Variants in CFAP44 observed in about 807,000 individuals in gnomAD.
CFAP44 encodes cilia and flagella associated protein 44.
CFAP44 carries 134 observed loss-of-function variants against 216.2 expected under a neutral mutation model. The ratio of observed to expected loss-of-function variants is 0.62; its 90% confidence interval spans 0.54 to 0.72. CFAP44 has a LOEUF of 0.72. Among genes scored for constraint, CFAP44 ranks in the 30% least tolerant of loss-of-function variants. The pLI is 0.00. For missense variants in CFAP44, 2,035 were observed against 2,182.1 expected (o/e 0.93, Z 1.34); for synonymous variants, 700 against 727.6 (o/e 0.96, Z 0.61).
intron 7 of CFAP44, among the ~76,000 whole-genome samples, chr3:113,408,115 C>T (rs1232260940): frequency 1.3e-5 from 2 of 152,010 alleles, no homozygotes; most frequent in African/African-American, 4.8e-5. Context: ...AACAAAAAGA[C>T]CAGATTTAAA....
chr3:113,403,817 G>T, intron 9 of CFAP44, 35 bp downstream of exon 9: 1 of 1,594,798 alleles, frequency 6.3e-7, no homozygotes, highest in Non-Finnish European at 8.6e-7. Context: ...AGTCTTAAAC[G>T]TGGGTGCTAC....
At chr3:113,377,522 A>C (rs922514282) in intron 17 of CFAP44, among the ~76,000 whole-genome samples, 2 of 152,234 alleles carry the variant, frequency 1.3e-5, no homozygotes, top group African/African-American at 4.8e-5. Context: ...AAATGCAAAA[A>C]AAACCAGCAC....
chr3:113,307,362 A>G (rs1949996313), intron 29 of CFAP44, among the ~76,000 whole-genome samples: 1 of 152,200 alleles, frequency 6.6e-6, no homozygotes, highest in African/African-American at 2.4e-5. Flanking sequence ...GTCACTCATA[A>G]ATGGCTGCCT....
intron 15 of CFAP44, among the ~76,000 whole-genome samples, chr3:113,392,976 C>T (rs1423400740): frequency 6.6e-6 from 1 of 152,186 alleles, no homozygotes; most frequent in Non-Finnish European, 1.5e-5. Context: ...TGACCTGGCT[C>T]CCTTGTATCT....
At chr3:113,353,092 G>A (rs900637743) in intron 22 of CFAP44, among the ~76,000 whole-genome samples, 17 of 152,182 alleles carry the variant, frequency 1.1e-4, no homozygotes, top group South Asian at 2.1e-4. Flanking sequence ...GGATGGGCAA[G>A]TGGGTCCCAG....
intron 15 of CFAP44, among the ~76,000 whole-genome samples, chr3:113,394,090 G>C (rs1401015544): frequency 6.6e-6 from 1 of 152,180 alleles, no homozygotes; most frequent in African/African-American, 2.4e-5. Flanking sequence ...ATAGTACAGA[G>C]AGGTATCACA....
At chr3:113,410,152 C>CTT (rs139658810) in intron 6 of CFAP44, among the ~76,000 whole-genome samples, 27 of 149,774 alleles carry the variant, frequency 1.8e-4, no homozygotes, top group South Asian at 2.1e-4. Flanking sequence ...AACTTGTTTT[C>CTT]TTTTTTTTTT....
intron 32 of CFAP44, among the ~76,000 whole-genome samples, chr3:113,300,375 G>C (rs1949923076): frequency 6.6e-6 from 1 of 151,854 alleles, no homozygotes; most frequent in Admixed American, 6.6e-5. Flanking sequence ...CGGATTGTTT[G>C]TAACATAAAA....
chr3:113,416,600 C>T lies in CFAP44; in HGVS notation c.598G>A (p.Val200Ile), dbSNP rs375438342. The T allele has an allele frequency of 9.9e-6, 16 of 1,611,462 alleles. 1 individual carries two copies. Among genetic ancestry groups the T allele is most frequent in the African/African-American group, 9.4e-5 (7 of 74,792 alleles). ...GVHPHKTYFT[V>I]AEKGSFPDII... ...TCTGGAAAACTCCCTTTTTCAGCTA[C>T]TGTGAAATAAGTTTTATGTGGATGA... Residue 200 changes from valine to isoleucine, a missense_variant, in exon 6 of 35, where the codon GTA becomes ATA. Physicochemically the swap from Val to Ile is conservative, Grantham distance 29. Transcript: ENST00000393845.
At chr3:113,403,594 T>C (rs1934197994) in intron 9 of CFAP44, among the ~76,000 whole-genome samples, 1 of 152,242 alleles carries the variant, frequency 6.6e-6, no homozygotes, top group Non-Finnish European at 1.5e-5. Context: ...AGTTTTCATC[T>C]TCTGAAGCTA....
intron 15 of CFAP44, among the ~76,000 whole-genome samples, chr3:113,394,791 T>C (rs1933945141): frequency 6.6e-6 from 1 of 152,236 alleles, no homozygotes; most frequent in Non-Finnish European, 1.5e-5. Context: ...TTGCGCCTCA[T>C]TCAAAGCCCA....
At chr3:113,411,444 T>C (rs1934469359) in intron 6 of CFAP44, among the ~76,000 whole-genome samples, 1 of 152,180 alleles carries the variant, frequency 6.6e-6, no homozygotes, top group South Asian at 2.1e-4. Context: ...TTGTCAAAGA[T>C]CAGATGGTTG....
In CFAP44 at chr3:113,333,446, G is replaced by C. The variant is rs370453892; in HGVS notation, c.3575C>G (p.Ala1192Gly). Residue 1192 changes from alanine to glycine, a missense_variant, in exon 25 of 35, where the codon GCT (alanine) becomes GGT (glycine). Physicochemically the swap from Ala to Gly is moderately conservative, Grantham distance 60. Around this residue, in one of 3 missense-constraint regions of CFAP44, gnomAD observed 1,883 missense variants for 2,023.7 expected, o/e 0.93. Coordinates refer to ENST00000393845, the MANE Select transcript of CFAP44 (RefSeq NM_001164496.2). Reference protein sequence around the residue: ...YKIPEHMRINAAKKEEELGHL... With the variant: ...YKIPEHMRINGAKKEEELGHL... ...TCCTAGTTCCTCTTCCTTCTTGGCA[G>C]CATTTATTCTCATGTGCTCAGGTAT... is the stretch of plus-strand genomic sequence containing the variant. 1.2e-5 allele frequency: 19 copies of C among 1,536,910 alleles called. No homozygotes were observed. The highest frequency in any genetic ancestry group is 1.6e-5 in the Non-Finnish European group (18 of 1,146,846).
At chr3:113,407,674 C>T (rs1934325120) in intron 7 of CFAP44, among the ~76,000 whole-genome samples, 1 of 152,102 alleles carries the variant, frequency 6.6e-6, no homozygotes, top group African/African-American at 2.4e-5. Context: ...TCAAAGCAAT[C>T]AATAAATGTT....
At chr3:113,440,818 T>C (rs1935343516) in intron 1 of CFAP44, among the ~76,000 whole-genome samples, 1 of 152,178 alleles carries the variant, frequency 6.6e-6, no homozygotes, top group Non-Finnish European at 1.5e-5. Flanking sequence ...AGTCACCCTC[T>C]CTCTCTCCCT....
At chr3:113,380,866 A>C in intron 16 of CFAP44, 33 bp downstream of exon 16, 1 of 1,487,484 alleles carries the variant, frequency 6.7e-7, no homozygotes. Flanking sequence ...AAAGGAAATT[A>C]TTATAAGATA....
chr3:113,304,945 C>CAA, intron 31 of CFAP44, 91 bp downstream of exon 31: 1 of 1,127,930 alleles, frequency 8.9e-7, no homozygotes, highest in Non-Finnish European at 1.3e-6. Flanking sequence ...CCACGATTCT[C>CAA]CCCATTAGTG....
Position 113,379,495 on chromosome 3 carries a change from C to G in CFAP44, c.2109G>C (p.Arg703Ser), listed in dbSNP as rs1299369942. ...ERQRELKEKI[R>S]EERRNKLAAE... ...CTGCTAGCTTGTTCCTCCTTTCTTC[C>G]CTTATTTTCTCCTTCAACTCCCTTT... Residue 703 changes from arginine to serine, a missense_variant, in exon 17 of 35, where the codon AGG (arginine) becomes AGC (serine). Transcript: ENST00000393845. 6.2e-7 allele frequency: 1 copy of G among 1,607,630 alleles called. No individual in the cohort carries two copies. Among genetic ancestry groups the G allele is most frequent in the Admixed American group, 1.7e-5 (1 of 59,960 alleles).
intron 18 of CFAP44, 40 bp downstream of exon 18, chr3:113,373,371 A>T: frequency 6.9e-7 from 1 of 1,455,746 alleles, no homozygotes; most frequent in Non-Finnish European, 9.1e-7. Context: ...AGACACTAAC[A>T]GGATATGGTT....
Sources: gnomAD v4.1 joint callset for allele counts (sites outside exome capture counted in the v4.1 genomes callset) on GRCh38, gnomAD v4.1.1 for gene constraint, gnomAD v4.1.1 regional missense constraint, MANE v1.5 for transcripts, NCBI Gene and HGNC (gene_info 2026-07-23, HGNC 2026-07-21) for gene names.